SPG7: variants seen among roughly 807,000 people sequenced by gnomAD.
SPG7 encodes the protein SPG7 matrix AAA peptidase subunit, paraplegin, also known as mitochondrial inner membrane m-AAA protease component paraplegin.
In SPG7, 103 loss-of-function variants were observed where a neutral mutation model predicts 81.9. The ratio of observed to expected loss-of-function variants is 1.26; its 90% CI spans 1.07 to 1.48. The LOEUF is 1.48. Among genes scored for constraint, SPG7 ranks in the 40% most tolerant of loss-of-function variants. The probability of loss-of-function intolerance (pLI) is 0.00; values close to 1 mark genes in which losing one functional copy is unlikely to be tolerated. For missense variants in SPG7, 1,241 were observed against 1,087.3 expected (o/e 1.14, Z -1.99); for synonymous variants, 534 against 444.2 (o/e 1.20, Z -2.54).
chr16:89,509,578 T>A (rs920160167), intron 1 of SPG7, among the ~76,000 whole-genome samples: 2 of 151,848 alleles, frequency 1.3e-5, no homozygotes, highest in African/African-American at 4.8e-5. Flanking sequence ...GGAAAATGTT[T>A]ATCTTGAAAG....
intron 14 of SPG7, 40 bp downstream of exon 14, chr16:89,553,175 C>G: frequency 1.3e-6 from 2 of 1,559,150 alleles, no homozygotes; most frequent in East Asian, 2.4e-5. Flanking sequence ...TTTCAGAGCG[C>G]TTTTCCCTGC....
At chr16:89,519,834 C>T (rs978384373) in intron 3 of SPG7, 3 of 152,264 alleles carry the variant, frequency 2.0e-5, no homozygotes, top group Non-Finnish European at 2.9e-5. Flanking sequence ...GGGGCGGTTT[C>T]CAAGTGGGAT....
intron 5 of SPG7, among the ~76,000 whole-genome samples, chr16:89,528,162 G>T (rs192523371): frequency 6.6e-6 from 1 of 151,430 alleles, no homozygotes; most frequent in African/African-American, 2.4e-5. Context: ...AGGCCGAGGC[G>T]GGCAGATCAC....
In SPG7 at chr16:89,548,015, C is replaced by T. The variant is rs1293343034; in HGVS notation, c.1565C>T (p.Ala522Val). The change falls in exon 12 of 17, where the codon GCC (alanine) becomes GTC (valine). Residue 522 changes from alanine to valine, a missense_variant. Transcript: ENST00000645818. ...LTPGFSGADIANICNEAALHA... is the reference protein window; with the variant it reads ...LTPGFSGADIVNICNEAALHA... ...TTTGTGTTGACAGGGGCTGACATCG[C>T]CAACATCTGCAATGAGGCTGCGCTG... 1.2e-6 allele frequency: 2 copies of T among 1,612,800 alleles called. No individual in the cohort carries two copies. Among genetic ancestry groups the T allele is most frequent in the Non-Finnish European group, 1.7e-6 (2 of 1,179,856 alleles).
chr16:89,548,682 C>G (rs183907734), intron 12 of SPG7: 15 of 338,656 alleles, frequency 4.4e-5, no homozygotes, highest in Admixed American at 1.2e-4. Context: ...ACTGCCGTTC[C>G]GTGGCTGCTC....
In SPG7 at chr16:89,556,943, C is replaced by T; in HGVS notation, c.2238C>T (p.Leu746=). ...EVINYEDIEA[L]IGPPPHGPKK... is the part of the protein sequence containing the mutation. ...TAAACTATGAGGACATTGAGGCTCT[C>T]ATTGGCCCGCCGCCCCATGGGCCGA... Residue 746 remains leucine (L), a synonymous_variant, in exon 17 of 17, where the codon CTC becomes CTT. Coordinates refer to ENST00000645818, the MANE Select transcript of SPG7 (RefSeq NM_003119.4). 2 of 1,614,110 alleles carry T rather than the reference C, an allele frequency of 1.2e-6. No homozygotes were observed. Among genetic ancestry groups the T allele is most frequent in the Non-Finnish European group, 1.7e-6 (2 of 1,180,006 alleles).
intron 13 of SPG7, chr16:89,552,764 C>G: frequency 1.7e-6 from 1 of 600,376 alleles, no homozygotes; most frequent in East Asian, 2.9e-5. Flanking sequence ...AAGACACTTC[C>G]CGGCAGTGTG....
intron 8 of SPG7, among the ~76,000 whole-genome samples, 194 bp from the exon 9 acceptor site, chr16:89,532,269 G>T (rs56962674): frequency 3.9e-5 from 6 of 152,356 alleles, no homozygotes; most frequent in African/African-American, 1.4e-4. Flanking sequence ...GTGGCCTGGG[G>T]GGCCAGCACG....
Position 89,532,449 on chromosome 16 carries a change from C to G in SPG7, c.1151-14C>G, listed in dbSNP as rs2058357164. On this transcript the variant is annotated splice_polypyrimidine_tract_variant and intron_variant, in intron 8 of 16. Transcript: ENST00000645818. ...TTAACTGCCCATTTCCTGATTCTCT[C>G]TGTGTCCCCTCAGGCCTCGGCGCTG... 23 of 1,613,246 alleles carry G rather than the reference C, an allele frequency of 1.4e-5. No individual in the cohort carries two copies. Among genetic ancestry groups the G allele is most frequent in the Non-Finnish European group, 1.9e-5 (22 of 1,179,962 alleles).
chr16:89,513,866 T>C (rs2058055112), intron 3 of SPG7, among the ~76,000 whole-genome samples: 1 of 152,230 alleles, frequency 6.6e-6, no homozygotes, highest in Non-Finnish European at 1.5e-5. Flanking sequence ...CCCATGTTGC[T>C]TTTCAGGAAA....
At chr16:89,526,260 T>C in intron 4 of SPG7, 69 bp from the exon 5 acceptor site, 1 of 1,591,570 alleles carries the variant, frequency 6.3e-7, no homozygotes, top group Non-Finnish European at 8.6e-7. Context: ...AGGCGGGCTC[T>C]CTGTTGACTG....
In SPG7 at chr16:89,536,511, GGGTGAGGTCA is replaced by G. The variant is rs2058422321; in HGVS notation, c.1324+3883_1324+3892del. On this transcript the variant is annotated intron_variant, in intron 9 of 16. Coordinates refer to ENST00000645818, the MANE Select transcript of SPG7 (RefSeq NM_003119.4). Reference sequence around the variant, plus strand: ...TCAGGTGAGGCAGGTGAGGTGAGGCGGGTGAGGTCAGGTGAGGCGGGTGAGGTCAGGTGAG... The same window carrying G: ...TCAGGTGAGGCAGGTGAGGTGAGGCGGGTGAGGCGGGTGAGGTCAGGTGAG... Among the ~76,000 whole-genome samples, 12 of 49,370 alleles carry G rather than the reference GGGTGAGGTCA, an allele frequency of 2.4e-4. 3 individuals are homozygous for G. Among genetic ancestry groups the G allele is most frequent in the Non-Finnish European group, 3.7e-4 (8 of 21,706 alleles). The allele number at this position is 49,370 out of a possible 152,430, so 32.4% of individuals were successfully genotyped here. A position where few individuals can be genotyped will look rare whatever the true frequency, so the allele number is the denominator to read the frequency against.
At chr16:89,524,657 C>G (rs752090934) in intron 4 of SPG7, among the ~76,000 whole-genome samples, 5 of 152,016 alleles carry the variant, frequency 3.3e-5, no homozygotes, top group African/African-American at 1.2e-4. Flanking sequence ...TTGGGCAAGG[C>G]TGGTCTCGAA....
chr16:89,513,996 C>A (rs1396624013), intron 3 of SPG7, among the ~76,000 whole-genome samples: 1 of 152,016 alleles, frequency 6.6e-6, no homozygotes, highest in Non-Finnish European at 1.5e-5. Flanking sequence ...TTGTGTGAGA[C>A]GCTGCATTTG....
chr16:89,516,043 A>G (rs376982275), intron 3 of SPG7, among the ~76,000 whole-genome samples: 235 of 151,862 alleles, frequency 1.5e-3, no homozygotes, highest in African/African-American at 5.4e-3. Context: ...GCTAGAGTGC[A>G]ATGGCGTAAT....
At chr16:89,524,384 G>A in intron 4 of SPG7, 137 bp downstream of exon 4, 1 of 972,500 alleles carries the variant, frequency 1.0e-6, no homozygotes, top group Non-Finnish European at 1.5e-6. Context: ...TGTGATTGAG[G>A]GCATGCTTCT....
intron 9 of SPG7, among the ~76,000 whole-genome samples, chr16:89,534,917 T>A (rs1044418392): frequency 6.6e-6 from 1 of 152,216 alleles, no homozygotes; most frequent in Admixed American, 6.5e-5. Context: ...GGTCTTGTTT[T>A]TTGAGACAGG....
At chr16:89,516,373 G>A (rs1350004192) in intron 3 of SPG7, among the ~76,000 whole-genome samples, 1 of 150,612 alleles carries the variant, frequency 6.6e-6, no homozygotes, top group Non-Finnish European at 1.5e-5. Flanking sequence ...GAAACCCCTT[G>A]TCTACTAAAA....
rs576242959 is a variant in SPG7 at position 89,554,021 on chromosome 16, C to T, written c.2103+61C>T. The T allele has an allele frequency of 3.2e-5, 50 of 1,573,342 alleles. No homozygotes were observed. In the African/African-American group the frequency reaches 6.4e-4, roughly 20 times the overall value. The stretch of plus-strand genomic sequence containing the variant: ...CTCCCCGGGGAGGGAGTCCCTGGGT[C>T]TACCACACAAGGGTCGCCCACGGCC... On this transcript the variant is annotated intron_variant, in intron 15 of 16. Transcript: ENST00000645818.
Sources: gnomAD v4.1 joint callset for allele counts (sites outside exome capture counted in the v4.1 genomes callset) on GRCh38, gnomAD v4.1.1 for gene constraint, MANE v1.5 for transcripts, NCBI Gene and HGNC (gene_info 2026-07-23, HGNC 2026-07-21) for gene names.